The following ALDH3A1 variants were observed in gnomAD, a reference collection of about 807,000 sequenced individuals.
ALDH3A1 encodes the protein aldehyde dehydrogenase, dimeric NADP-preferring.
In ALDH3A1, 46 loss-of-function variants were observed where a neutral mutation model predicts 49.9. The ratio of observed to expected loss-of-function variants is 0.92; its 90% CI spans 0.73 to 1.18. The LOEUF (loss-of-function observed/expected upper bound fraction) is 1.18. Ranked by LOEUF, ALDH3A1 falls within the 50% of genes most tolerant of loss-of-function variation. The pLI is 0.00. For synonymous variants in ALDH3A1, 269 were observed against 253.3 expected, an observed-to-expected ratio of 1.06 and a Z score of -0.59; for missense variants, 592 against 611.8, an observed-to-expected ratio of 0.97 and a Z score of 0.34.
chr17:19,746,690 T>C (rs892806651), intron 1 of ALDH3A1, among the ~76,000 whole-genome samples: 3 of 146,822 alleles, frequency 2.0e-5, no homozygotes, highest in East Asian at 2.0e-4. Flanking sequence ...TGTGCGTGTG[T>C]GTGTGCGTGC....
At chr17:19,745,219 T>G in intron 1 of ALDH3A1, 85 bp from the exon 2 acceptor site, 1 of 1,377,450 alleles carries the variant, frequency 7.3e-7, no homozygotes, top group Non-Finnish European at 9.6e-7. Context: ...AGGAAGGGAC[T>G]TCCCTGGGCT....
At position 19,743,316 on chromosome 17, in the gene ALDH3A1, G is replaced by A. The variant is rs2086536637; in HGVS notation, c.310C>T (p.Pro104Ser). The change falls in exon 3 of 11, where the codon CCA becomes TCA. Residue 104 changes from proline to serine, a missense_variant. By Grantham distance (74) the Pro-to-Ser change is moderately conservative. Coordinates refer to ENST00000225740, the MANE Select transcript of ALDH3A1 (RefSeq NM_000691.5). This position sits in a 1 kb window ranked among gnomAD's most constrained non-coding sequence, Gnocchi z 4.4. ...CCAATGACGAGGACCACGCCCAGTG[G>A]CTCCGAGTGGATGTAGAGCTCGTCC... ...QQDELYIHSE[P>S]LGVVLVIGTW... The A allele has an allele frequency of 2.5e-6, 4 of 1,614,062 alleles. No homozygotes were observed. The highest frequency in any genetic ancestry group is 3.3e-5 in the Admixed American group (2 of 60,008).
rs77823659 is a variant in ALDH3A1, at chr17:19,744,671, G to A, written c.162+297C>T. ...ACCAAGTGGTCCTGCGTGGGGCTGA[G>A]GAATGGGGAGGACCAGAAGTTCAGG... On this transcript the variant is annotated intron_variant, in intron 2 of 10. Coordinates refer to ENST00000225740, the MANE Select transcript of ALDH3A1 (RefSeq NM_000691.5). 8.9e-3 allele frequency: 8,799 copies of A among 985,410 alleles called. 56 individuals carry two copies. Among genetic ancestry groups the A allele is most frequent in the East Asian group, 0.058 (509 of 8,794 alleles). The allele number at this position is 985,410 out of a possible 1,614,324, so 61.0% of individuals were successfully genotyped here.
At chr17:19,741,649 A>T (rs886777978) in intron 5 of ALDH3A1, among the ~76,000 whole-genome samples, 2 of 152,084 alleles carry the variant, frequency 1.3e-5, no homozygotes, top group African/African-American at 4.8e-5. Context: ...CAGAACTCAG[A>T]TTGCCCTGCC....
rs761053994 is a variant in ALDH3A1 at position 19,742,602 on chromosome 17, C to T, written c.423G>A (p.Glu141=). The change falls in exon 4 of 11, where the codon GAG becomes GAA. Residue 141 remains glutamate, a synonymous_variant. Coordinates refer to ENST00000225740, the MANE Select transcript of ALDH3A1 (RefSeq NM_000691.5). The stretch of plus-strand genomic sequence containing the variant: ...GCAGGCTCGCCATGTTCTCACTCAG[C>T]TCCGAGGGCTTGAGGACCACTGAGT... ...AGNSVVLKPS[E]LSENMASLLA... 6 of 1,613,924 alleles carry T rather than the reference C, an allele frequency of 3.7e-6. No individual in the cohort carries two copies. In the African/African-American group the frequency reaches 6.7e-5, roughly 18 times the overall value.
intron 3 of ALDH3A1, chr17:19,742,880 A>AG: frequency 6.5e-7 from 1 of 1,529,908 alleles, no homozygotes; most frequent in Non-Finnish European, 8.7e-7. Context: ...GAGATGTTGG[A>AG]GGAAAAGCAG....
rs998844921 is a variant in ALDH3A1 at position 19,742,766 on chromosome 17, C to T, written c.395-136G>A. On this transcript the variant is annotated intron_variant, in intron 3 of 10. Coordinates refer to ENST00000225740, the MANE Select transcript of ALDH3A1 (RefSeq NM_000691.5). ...GATGGAAGAGTTGTTAGCAAACAAG[C>T]ACATGTCACGGGGCACACCCAGGAG... 4 of 1,544,964 alleles carry T rather than the reference C, an allele frequency of 2.6e-6. No homozygotes were observed. In the East Asian group the frequency reaches 9.7e-5, roughly 37 times the overall value.
chr17:19,741,036 G>A, intron 6 of ALDH3A1, 57 bp downstream of exon 6: 1 of 1,347,068 alleles, frequency 7.4e-7, no homozygotes. Context: ...TAAGGGGCCA[G>A]GCCCCCCTTG....
At position 19,738,059 on chromosome 17, in the gene ALDH3A1, G is replaced by T; in HGVS notation, c.*162C>A. 1 of 1,550,476 alleles carries T rather than the reference G, an allele frequency of 6.4e-7. No individual in the cohort carries two copies. Among genetic ancestry groups the T allele is most frequent in the Middle Eastern group, 2.0e-4 (1 of 5,020 alleles). On this transcript the variant is annotated 3_prime_UTR_variant, in exon 11 of 11. Coordinates refer to ENST00000225740, the MANE Select transcript of ALDH3A1 (RefSeq NM_000691.5). ...TGGAGACTTGGAATGGTGAGGCCTG[G>T]GCCCATGTGGGAGTGGGGTGTGCAC...
At chr17:19,741,600 C>G (rs534933625) in intron 5 of ALDH3A1, among the ~76,000 whole-genome samples, 1 of 152,162 alleles carries the variant, frequency 6.6e-6, no homozygotes, top group Admixed American at 6.5e-5. Context: ...CCCCAGACCC[C>G]GAGCAGCGGT....
In ALDH3A1 at chr17:19,743,355, G is replaced by A. The variant is rs371210688; in HGVS notation, c.271C>T (p.Pro91Ser). 12 of 1,614,006 alleles carry A rather than the reference G, an allele frequency of 7.4e-6. No individual in the cohort carries two copies. The highest frequency in any genetic ancestry group is 4.2e-6 in the Non-Finnish European group (5 of 1,180,026). ...WAADEPVEKT[P>S]QTQQDELYIH... The stretch of plus-strand genomic sequence containing the variant: ...TAGAGCTCGTCCTGCTGAGTCTGGG[G>A]CGTCTTCTCCACGGGCTCATCCGCG... The change falls in exon 3 of 11, where the codon CCC becomes TCC. Residue 91 changes from proline (P) to serine (S), a missense_variant. Pro to Ser is a moderately conservative substitution (Grantham distance 74, BLOSUM62 -1). Transcript: ENST00000225740. This position sits in a 1 kb window ranked among gnomAD's most constrained non-coding sequence, Gnocchi z 4.4.
Position 19,745,140 on chromosome 17 carries a change from G to T in ALDH3A1, c.-5-6C>A, listed in dbSNP as rs1006129315. The T allele has an allele frequency of 1.9e-6, 3 of 1,565,176 alleles. No homozygotes were observed. The highest frequency in any genetic ancestry group is 1.8e-5 in the Admixed American group (1 of 56,624). Reference sequence around the variant, plus strand: ...GCTGATCTTGCTCATGGCGCCTGGGGACAGAGAGCACCTGCAGCTGGCTGA... The same window carrying T: ...GCTGATCTTGCTCATGGCGCCTGGGTACAGAGAGCACCTGCAGCTGGCTGA... On this transcript the variant is annotated splice_region_variant and splice_polypyrimidine_tract_variant and intron_variant, in intron 1 of 10. Coordinates refer to ENST00000225740, the MANE Select transcript of ALDH3A1 (RefSeq NM_000691.5).
rs760303323 is a variant in ALDH3A1, at chr17:19,738,122, G to A, written c.*99C>T. The A allele has an allele frequency of 1.2e-6, 2 of 1,604,216 alleles. No homozygotes were observed. Among genetic ancestry groups the A allele is most frequent in the Non-Finnish European group, 1.7e-6 (2 of 1,179,368 alleles). ...CAGCAGAGGAGTGGGGCTGGGCTGG[G>A]GCTGCAGGAGCGATTCTCCCAGGGC... On this transcript the variant is annotated 3_prime_UTR_variant, in exon 11 of 11. Transcript: ENST00000225740.
chr17:19,741,162 G>A lies in ALDH3A1; in HGVS notation c.738C>T (p.Ala246=), dbSNP rs1453522798. ...AGGGGTCACAGAGGATGTAGTCAGG[G>A]GCCACGCAGGTCTGGCCACTGTTCA... ...KFMNSGQTCV[A]PDYILCDPSI... The change falls in exon 6 of 11, where the codon GCC becomes GCT. Residue 246 remains alanine, a synonymous_variant. Coordinates refer to ENST00000225740, the MANE Select transcript of ALDH3A1 (RefSeq NM_000691.5). 1.9e-6 allele frequency: 3 copies of A among 1,614,028 alleles called. No individual in the cohort carries two copies. The highest frequency in any genetic ancestry group is 1.7e-4 in the Middle Eastern group (1 of 6,060).
At chr17:19,739,876 G>A (rs1406892618) in intron 7 of ALDH3A1, among the ~76,000 whole-genome samples, 2 of 152,310 alleles carry the variant, frequency 1.3e-5, no homozygotes, top group Non-Finnish European at 1.5e-5. Context: ...GACAACTATA[G>A]GTTAACCTGT....
At chr17:19,744,260 G>T in intron 2 of ALDH3A1, 1 of 642,230 alleles carries the variant, frequency 1.6e-6, no homozygotes, top group Non-Finnish European at 1.9e-6. Context: ...AAAATTAGCC[G>T]GGCATGGTGG....
Position 19,740,467 on chromosome 17 carries a change from C to T in ALDH3A1, c.818G>A (p.Gly273Glu). ...KLKKSLKEFYGEDAKKSRDYG... is the reference protein window; with the variant it reads ...KLKKSLKEFYEEDAKKSRDYG... ...GTCCCGGGATTTCTTAGCATCTTCC[C>T]CGTAGAACTCCTGTGGAGAAGAGGT... The change falls in exon 7 of 11, where the codon GGG (glycine) becomes GAG (glutamate). Residue 273 changes from glycine to glutamate, a missense_variant. Physicochemically the swap from Gly to Glu is moderately conservative, Grantham distance 98. Coordinates refer to ENST00000225740, the MANE Select transcript of ALDH3A1 (RefSeq NM_000691.5). 1 of 1,614,016 alleles carries T rather than the reference C, an allele frequency of 6.2e-7. No homozygotes were observed. Among genetic ancestry groups the T allele is most frequent in the South Asian group, 1.1e-5 (1 of 91,074 alleles).
chr17:19,743,892 T>C lies in ALDH3A1; in HGVS notation c.163-429A>G. ...GGGTGGAGGGAGCCAGGCCCTTTAG[T>C]TGTCTGGAGGGGGATGCAGGACCAA... On this transcript the variant is annotated intron_variant, in intron 2 of 10. Coordinates refer to ENST00000225740, the MANE Select transcript of ALDH3A1 (RefSeq NM_000691.5). The surrounding 1 kb of genome is among the most constrained non-coding windows in gnomAD (Gnocchi z 4.4). 1.0e-6 allele frequency: 1 copy of C among 984,156 alleles called. No homozygotes were observed. Among genetic ancestry groups the C allele is most frequent in the Non-Finnish European group, 1.2e-6 (1 of 829,542 alleles). The allele number at this position is 984,156 out of a possible 1,614,324, so 61.0% of individuals were successfully genotyped here.
rs111828936 is a variant in ALDH3A1 at position 19,746,644 on chromosome 17, CGT to C, written c.-5-1512_-5-1511del. Reference sequence around the variant, plus strand: ...GTGTGCGTGTGTGTGTGTGCGTGTGCGTGTGTGTGCATGTGTGTGTGTGCGTG... The same window carrying C: ...GTGTGCGTGTGTGTGTGTGCGTGTGCGTGTGTGCATGTGTGTGTGTGCGTG... On this transcript the variant is annotated intron_variant, in intron 1 of 10. Coordinates refer to ENST00000225740, the MANE Select transcript of ALDH3A1 (RefSeq NM_000691.5). Among the ~76,000 whole-genome samples, 62 of 144,036 alleles carry C rather than the reference CGT, an allele frequency of 4.3e-4. 1 individual carries two copies. The highest frequency in any genetic ancestry group is 1.8e-3 in the Admixed American group (27 of 14,656). 94.5% of individuals were successfully genotyped at this position (144,036 alleles called of 152,430 possible). A position where few individuals can be genotyped will look rare whatever the true frequency, so the allele number is the denominator to read the frequency against.
Sources: gnomAD v4.1 joint callset for allele counts (sites outside exome capture counted in the v4.1 genomes callset) on GRCh38, gnomAD v4.1.1 for gene constraint, Gnocchi (gnomAD v3.1) non-coding constraint, MANE v1.5 for transcripts, NCBI Gene and HGNC (gene_info 2026-07-23, HGNC 2026-07-21) for gene names.